ATP8A2: variants seen among roughly 807,000 people sequenced by gnomAD.
ATP8A2 encodes phospholipid-transporting ATPase IB.
ATP8A2 carries 100 observed loss-of-function variants against 165.6 expected under a neutral mutation model. The ratio of observed to expected loss-of-function variants is 0.60; its 90% CI spans 0.51 to 0.71. The LOEUF (loss-of-function observed/expected upper bound fraction) is 0.71, where lower values mean the gene tolerates loss of function less well. Among genes scored for constraint, ATP8A2 ranks in the 30% least tolerant of loss-of-function variants. The pLI is 0.00. For missense variants in ATP8A2, 1,227 were observed against 1,479.5 expected, an observed-to-expected ratio of 0.83 and a Z score of 2.80; for synonymous variants, 543 against 548.8, an observed-to-expected ratio of 0.99 and a Z score of 0.15.
intron 35 of ATP8A2, among the ~76,000 whole-genome samples, chr13:26,001,504 A>AT (rs1241764439): frequency 6.6e-6 from 1 of 152,136 alleles, no homozygotes; most frequent in African/African-American, 2.4e-5. Flanking sequence ...CAGTTTCTCC[A>AT]TATCCTCTCC....
intron 25 of ATP8A2, among the ~76,000 whole-genome samples, chr13:25,717,083 T>C (rs1246439855): frequency 6.6e-6 from 1 of 151,998 alleles, no homozygotes; most frequent in Non-Finnish European, 1.5e-5. Context: ...CACCAGTGAG[T>C]CTTCACTTAA....
intron 35 of ATP8A2, among the ~76,000 whole-genome samples, chr13:25,973,887 G>A (rs1178929442): frequency 6.6e-6 from 1 of 152,170 alleles, no homozygotes; most frequent in African/African-American, 2.4e-5. Context: ...TCTCCCTTTT[G>A]CTTTTGTCCC....
chr13:25,940,410 C>G (rs560479949), intron 33 of ATP8A2, among the ~76,000 whole-genome samples: 16 of 152,290 alleles, frequency 1.1e-4, no homozygotes, highest in African/African-American at 3.6e-4. Context: ...CACCACTTTC[C>G]CTCTTGAGGT....
intron 33 of ATP8A2, among the ~76,000 whole-genome samples, chr13:25,869,255 A>C (rs1952612146): frequency 6.6e-6 from 1 of 152,108 alleles, no homozygotes; most frequent in Admixed American, 6.5e-5. Flanking sequence ...GGTTACACAT[A>C]ATGCCAACTT....
intron 35 of ATP8A2, among the ~76,000 whole-genome samples, chr13:25,975,905 C>G (rs933133909): frequency 1.3e-5 from 2 of 152,102 alleles, no homozygotes; most frequent in African/African-American, 4.8e-5. Context: ...TCACATCTAA[C>G]AAGTTAATAA....
chr13:25,374,363 TAACAG>T (rs2032538460), intron 1 of ATP8A2, among the ~76,000 whole-genome samples: 1 of 152,012 alleles, frequency 6.6e-6, no homozygotes, highest in South Asian at 2.1e-4. Context: ...GGTGTAAGAG[TAACAG>T]GACAGGAACT....
At chr13:25,449,756 A>C (rs993934859) in intron 1 of ATP8A2, among the ~76,000 whole-genome samples, 5 of 152,172 alleles carry the variant, frequency 3.3e-5, no homozygotes, top group African/African-American at 1.2e-4. Flanking sequence ...TAGGATTATC[A>C]ATTCCTGTTG....
At chr13:25,459,409 C>A (rs771097209) in intron 1 of ATP8A2, among the ~76,000 whole-genome samples, 7 of 152,216 alleles carry the variant, frequency 4.6e-5, no homozygotes, top group African/African-American at 1.7e-4. Flanking sequence ...TTGATTCACT[C>A]GTCAAACATG....
At chr13:25,508,551 A>G (rs2037122694) in intron 2 of ATP8A2, among the ~76,000 whole-genome samples, 1 of 152,254 alleles carries the variant, frequency 6.6e-6, no homozygotes, top group African/African-American at 2.4e-5. Flanking sequence ...GAAAGAAAAA[A>G]ATTCAGAAAA....
intron 1 of ATP8A2, among the ~76,000 whole-genome samples, chr13:25,428,383 C>T (rs953956224): frequency 2.0e-5 from 3 of 152,104 alleles, no homozygotes; most frequent in Non-Finnish European, 4.4e-5. Flanking sequence ...TCAGTAAATG[C>T]GAATGGAGCA....
At chr13:25,671,692 AC>A (rs1396712145) in intron 24 of ATP8A2, among the ~76,000 whole-genome samples, 1 of 151,960 alleles carries the variant, frequency 6.6e-6, no homozygotes, top group African/African-American at 2.4e-5. Flanking sequence ...TGATCTCAAA[AC>A]CCTGTCTCCT....
At chr13:25,889,277 A>G (rs1953278047) in intron 33 of ATP8A2, among the ~76,000 whole-genome samples, 1 of 88,132 alleles carries the variant, frequency 1.1e-5, no homozygotes, top group African/African-American at 6.4e-5. Flanking sequence ...TATATATAAA[A>G]TTTAAATGAT....
chr13:25,740,327 A>G (rs1473318002), intron 25 of ATP8A2, among the ~76,000 whole-genome samples: 3 of 151,806 alleles, frequency 2.0e-5, no homozygotes, highest in African/African-American at 7.3e-5. Context: ...AAAAAAAAAA[A>G]AAGAGAAAGA....
chr13:25,722,151 G>C (rs1050353878), intron 25 of ATP8A2, among the ~76,000 whole-genome samples: 7 of 152,080 alleles, frequency 4.6e-5, no homozygotes, highest in Non-Finnish European at 1.0e-4. Flanking sequence ...GTGACTTCTC[G>C]CTTATAGCCA....
intron 24 of ATP8A2, among the ~76,000 whole-genome samples, chr13:25,656,302 G>GTCTTAC (rs900914801): frequency 6.6e-6 from 1 of 151,676 alleles, no homozygotes; most frequent in Non-Finnish European, 1.5e-5. Context: ...TTGAAATGGA[G>GTCTTAC]TCTTACTCTG....
chr13:25,624,320 CT>C (rs946406648), intron 24 of ATP8A2, among the ~76,000 whole-genome samples: 10 of 152,022 alleles, frequency 6.6e-5, no homozygotes, highest in Admixed American at 5.9e-4. Context: ...CACCTAAGGA[CT>C]TGTGGTTTAT....
chr13:25,467,999 A>G (rs555921960), intron 1 of ATP8A2, among the ~76,000 whole-genome samples: 2 of 152,280 alleles, frequency 1.3e-5, no homozygotes, highest in Middle Eastern at 6.8e-3. Context: ...TTTATCTCAG[A>G]CGCCTCTCCT....
chr13:25,841,547 C>A (rs1042107427), intron 30 of ATP8A2, among the ~76,000 whole-genome samples: 1 of 152,150 alleles, frequency 6.6e-6, no homozygotes, highest in Non-Finnish European at 1.5e-5. Flanking sequence ...GTTGACTTCC[C>A]CTAACAAATT....
chr13:25,673,063 G>A (rs75967557), intron 24 of ATP8A2, among the ~76,000 whole-genome samples: 4,260 of 152,144 alleles, frequency 0.028, 186 homozygotes, highest in African/African-American at 0.096. Context: ...TCTTTGGAAC[G>A]AAAACATGAA....
Sources: gnomAD v4.1 joint callset for allele counts (sites outside exome capture counted in the v4.1 genomes callset) on GRCh38, gnomAD v4.1.1 for gene constraint, MANE v1.5 for transcripts, NCBI Gene and HGNC (gene_info 2026-07-23, HGNC 2026-07-21) for gene names.